Variants in GREB1L observed in about 807,000 individuals in gnomAD.
The protein encoded by GREB1L is GREB1 like retinoic acid receptor coactivator.
A neutral mutation model predicts 200.8 loss-of-function variants in GREB1L; 17 were observed. The observed-to-expected ratio is 0.08, with a 90% confidence interval of 0.06 to 0.13. The LOEUF (loss-of-function observed/expected upper bound fraction) is 0.13, where lower values mean the gene tolerates loss of function less well. GREB1L is among the 10% of genes least tolerant of loss of function. The pLI is 1.00. For missense variants in GREB1L, 1,657 were observed against 2,367.7 expected (o/e 0.70, Z 6.23); for synonymous variants, 789 against 893.0 (o/e 0.88, Z 2.08).
chr18:21,300,475 ACT>A (rs2038600154), intron 1 of GREB1L, among the ~76,000 whole-genome samples: 1 of 151,936 alleles, frequency 6.6e-6, no homozygotes, highest in African/African-American at 2.4e-5. Context: ...CAGTTTTGTG[ACT>A]CTCTTATCCT....
intron 15 of GREB1L, among the ~76,000 whole-genome samples, chr18:21,468,453 G>T (rs571822965): frequency 1.3e-5 from 2 of 152,118 alleles, no homozygotes; most frequent in East Asian, 3.8e-4. Flanking sequence ...TTTTAAAATT[G>T]TGGTGACTGT....
intron 4 of GREB1L, 64 bp downstream of exon 4, chr18:21,384,467 T>C (rs1278598055): frequency 1.5e-6 from 2 of 1,306,830 alleles, no homozygotes; most frequent in Non-Finnish European, 2.1e-6. Context: ...ATATTTCTAA[T>C]TATTACATGA....
intron 1 of GREB1L, among the ~76,000 whole-genome samples, chr18:21,284,850 GT>G (rs564757979): frequency 3.3e-5 from 5 of 151,922 alleles, no homozygotes; most frequent in African/African-American, 1.2e-4. Flanking sequence ...GCTACTGTCT[GT>G]TTTTTTTCTT....
chr18:21,467,897 C>T (rs954293968), intron 15 of GREB1L, among the ~76,000 whole-genome samples: 5 of 151,958 alleles, frequency 3.3e-5, no homozygotes, highest in African/African-American at 1.2e-4. Flanking sequence ...TGGTGGCATG[C>T]ACCTGTAGTC....
chr18:21,258,255 G>A (rs2037832848), intron 1 of GREB1L, among the ~76,000 whole-genome samples: 1 of 152,132 alleles, frequency 6.6e-6, no homozygotes, highest in Non-Finnish European at 1.5e-5. Context: ...ATATTTTTGG[G>A]TAACAGGCTG....
At chr18:21,356,355 TG>T (rs1289391254) in intron 1 of GREB1L, among the ~76,000 whole-genome samples, 1 of 152,226 alleles carries the variant, frequency 6.6e-6, no homozygotes, top group Non-Finnish European at 1.5e-5. Context: ...CCCTGATAAC[TG>T]TCATTTGACT....
intron 7 of GREB1L, among the ~76,000 whole-genome samples, chr18:21,417,989 A>AAAAAAGAAAAG (rs1488675130): frequency 1.3e-5 from 2 of 151,946 alleles, no homozygotes; most frequent in African/African-American, 2.4e-5. Context: ...TCAAAAAAAA[A>AAAAAAGAAAAG]AAAAAGAAAA....
chr18:21,267,190 T>C (rs2037983591), intron 1 of GREB1L, among the ~76,000 whole-genome samples: 1 of 116,764 alleles, frequency 8.6e-6, no homozygotes, highest in Non-Finnish European at 1.8e-5. Flanking sequence ...CCTCGGCCGC[T>C]TTTTTTTTTT....
intron 28 of GREB1L, among the ~76,000 whole-genome samples, 176 bp downstream of exon 28, chr18:21,514,162 G>A (rs1229951182): frequency 6.6e-6 from 1 of 152,168 alleles, no homozygotes; most frequent in Non-Finnish European, 1.5e-5. Flanking sequence ...CTTTTATTTA[G>A]ACATTCAGTA....
chr18:21,262,767 G>T (rs1396934915), intron 1 of GREB1L, among the ~76,000 whole-genome samples: 2 of 152,078 alleles, frequency 1.3e-5, no homozygotes, highest in Non-Finnish European at 2.9e-5. Context: ...CCATGGAAAT[G>T]GCCATGATAA....
intron 1 of GREB1L, among the ~76,000 whole-genome samples, chr18:21,334,261 A>C (rs2039151403): frequency 6.6e-6 from 1 of 152,144 alleles, no homozygotes; most frequent in South Asian, 2.1e-4. Context: ...TCTTGTTTTA[A>C]TTCCACTTGG....
At chr18:21,334,490 T>C (rs2039155026) in intron 1 of GREB1L, among the ~76,000 whole-genome samples, 1 of 152,162 alleles carries the variant, frequency 6.6e-6, no homozygotes, top group Non-Finnish European at 1.5e-5. Flanking sequence ...AAGAGGGAAT[T>C]GATGATTCTG....
At chr18:21,347,933 ATTTTTT>A (rs1171946736) in intron 1 of GREB1L, among the ~76,000 whole-genome samples, 16 of 77,352 alleles carry the variant, frequency 2.1e-4, no homozygotes, top group Non-Finnish European at 3.0e-4. Flanking sequence ...CACTCGGCTA[ATTTTTT>A]TTTTTTTTTT....
intron 7 of GREB1L, among the ~76,000 whole-genome samples, chr18:21,434,537 ATATGTGTATATATATG>A (rs2033406545): frequency 6.9e-6 from 1 of 145,424 alleles, no homozygotes; most frequent in Non-Finnish European, 1.5e-5. Context: ...GTGTGTATAT[ATATGTGTATATATATG>A]TGTGTATATA....
At chr18:21,326,478 C>G (rs1355806590) in intron 1 of GREB1L, among the ~76,000 whole-genome samples, 1 of 152,180 alleles carries the variant, frequency 6.6e-6, no homozygotes, top group Non-Finnish European at 1.5e-5. Context: ...ACACCGATAG[C>G]CGGTCGCTGG....
chr18:21,335,773 C>T (rs538166100), intron 1 of GREB1L, among the ~76,000 whole-genome samples: 43 of 151,692 alleles, frequency 2.8e-4, no homozygotes, highest in African/African-American at 9.9e-4. Context: ...ATGCCATTCT[C>T]CTGCCTCAGC....
At chr18:21,514,097 A>G in intron 28 of GREB1L, 111 bp downstream of exon 28, 1 of 1,095,450 alleles carries the variant, frequency 9.1e-7, no homozygotes, top group Non-Finnish European at 1.3e-6. Flanking sequence ...TTCCAGAGCA[A>G]AACAGTCAAC....
rs571407086 is a variant in GREB1L at position 21,269,588 on chromosome 18, A to G, written c.-120+27195A>G. Reference sequence around the variant, plus strand: ...TGAAAATACAAGGCCTATGGAAAAAATTAATTAAAACAAGACATGAGAGTC... The same window carrying G: ...TGAAAATACAAGGCCTATGGAAAAAGTTAATTAAAACAAGACATGAGAGTC... On this transcript the variant is annotated intron_variant, in intron 1 of 32. Transcript: ENST00000424526. Among the ~76,000 whole-genome samples, 64 of 152,350 alleles carry G rather than the reference A, an allele frequency of 4.2e-4. 2 individuals carry two copies. In the South Asian group the frequency reaches 0.013, roughly 32 times the overall value.
intron 3 of GREB1L, 62 bp from the exon 4 acceptor site, chr18:21,384,144 A>T: frequency 8.8e-7 from 1 of 1,132,758 alleles, no homozygotes; most frequent in Non-Finnish European, 1.3e-6. Context: ...GTCTTTCAGA[A>T]CTGTGCATTT....
Sources: allele counts gnomAD v4.1 joint callset (sites outside exome capture counted in the v4.1 genomes callset), GRCh38; gene constraint gnomAD v4.1.1; transcripts MANE v1.5; gene names NCBI Gene and HGNC (gene_info 2026-07-23, HGNC 2026-07-21).